The following CDH2 variants were observed in gnomAD, a reference collection of about 807,000 sequenced individuals.
The protein encoded by CDH2 is cadherin-2.
CDH2 carries 17 observed loss-of-function variants against 92.0 expected under a neutral mutation model. The observed-to-expected ratio is 0.18, with a 90% confidence interval of 0.13 to 0.28. The LOEUF is 0.28. Ranked by LOEUF, CDH2 falls within the 10% of genes least tolerant of loss-of-function variation. The pLI, the probability that CDH2 is intolerant of heterozygous loss-of-function variation, is 1.00. For missense variants in CDH2, 862 were observed against 1,133.1 expected (o/e 0.76, Z 3.44); for synonymous variants, 419 against 415.9 (o/e 1.01, Z -0.09).
At chr18:28,160,719 T>A (rs983186897) in intron 1 of CDH2, among the ~76,000 whole-genome samples, 1 of 152,116 alleles carries the variant, frequency 6.6e-6, no homozygotes. Flanking sequence ...AACATGGTGA[T>A]AACACTGGGC....
At chr18:28,110,614 G>C (rs1018157677) in intron 2 of CDH2, among the ~76,000 whole-genome samples, 6 of 152,108 alleles carry the variant, frequency 3.9e-5, no homozygotes, top group Non-Finnish European at 8.8e-5. Flanking sequence ...GTGGGATCAT[G>C]AATATAGATG....
intron 2 of CDH2, among the ~76,000 whole-genome samples, chr18:28,061,174 T>C (rs932658161): frequency 1.3e-5 from 2 of 152,204 alleles, no homozygotes; most frequent in African/African-American, 2.4e-5. Context: ...ATGATTTACA[T>C]TGGGACTTAT....
At position 27,985,533 on chromosome 18, in the gene CDH2, A is replaced by G; in HGVS notation, c.1970T>C (p.Leu657Pro). 6.3e-7 allele frequency: 1 copy of G among 1,599,730 alleles called. No homozygotes were observed. The highest frequency in any genetic ancestry group is 8.6e-7 in the Non-Finnish European group (1 of 1,167,068). The change falls in exon 12 of 16, where the codon CTT (leucine) becomes CCT (proline). Residue 657 changes from leucine (L) to proline (P), a missense_variant. Leu to Pro is a moderately conservative substitution (Grantham distance 98). This residue lies in a region of CDH2 where 564 missense variants were observed against 722.2 expected (regional missense o/e 0.78). Coordinates refer to ENST00000269141, the MANE Select transcript of CDH2 (RefSeq NM_001792.5). ...TIKRNWTITR[L>P]NGDFAQLNLK... The stretch of plus-strand genomic sequence containing the variant: ...AATAATTAACCTGTTCTTACCATTA[A>G]GCCGAGTGATGGTCCAATTTCTCTT...
intron 14 of CDH2, among the ~76,000 whole-genome samples, chr18:27,977,477 C>G (rs987472014): frequency 9.2e-5 from 14 of 152,014 alleles, no homozygotes; most frequent in Non-Finnish European, 2.1e-4. Context: ...CAATCAAAGA[C>G]AGGTAAGATA....
Position 28,147,781 on chromosome 18 carries a change from A to T in CDH2, c.64T>A (p.Ser22Thr). Residue 22 changes from serine to threonine, a missense_variant, in exon 2 of 16, where the codon TCT becomes ACT. Around this residue, in one of 5 missense-constraint regions of CDH2, gnomAD observed 159 missense variants for 177.2 expected, o/e 0.90. Coordinates refer to ENST00000269141, the MANE Select transcript of CDH2 (RefSeq NM_001792.5). ...GCGATTTCACCAGAAGCCTCTACAG[A>T]CGCCTGCAACACAAGAAAAAAAAAA... The part of the protein sequence containing the change: ...LPLLAALLQA[S>T]VEASGEIALC... The T allele has an allele frequency of 1.3e-6, 2 of 1,572,372 alleles. No homozygotes were observed. Among genetic ancestry groups the T allele is most frequent in the Non-Finnish European group, 8.7e-7 (1 of 1,154,606 alleles).
At chr18:27,938,836 C>A (rs1237931386) in intron 6 of CDH2, among the ~76,000 whole-genome samples, 1 of 152,128 alleles carries the variant, frequency 6.6e-6, no homozygotes, top group African/African-American at 2.4e-5. Context: ...GGTATAGAAG[C>A]ATGCAGGTAT....
At chr18:28,159,659 T>TG (rs1283308841) in intron 1 of CDH2, among the ~76,000 whole-genome samples, 1 of 107,584 alleles carries the variant, frequency 9.3e-6, no homozygotes, top group African/African-American at 7.2e-5. Flanking sequence ...AATTTTTTTG[T>TG]TTTTTTTTTT....
Position 28,068,636 on chromosome 18 carries a change from G to A in CDH2, c.173-54727C>T, listed in dbSNP as rs1044646832. Among the ~76,000 whole-genome samples, 8 of 152,274 alleles carry A rather than the reference G, an allele frequency of 5.3e-5. No individual in the cohort carries two copies. The South Asian group carries it at 1.0e-3, about 20-fold the overall frequency. On this transcript the variant is annotated intron_variant, in intron 2 of 15. Coordinates refer to ENST00000269141, the MANE Select transcript of CDH2 (RefSeq NM_001792.5). ...AAGAGCTTCACTGAGCCTTGTTCGAGACTATTGACACTTGATGTTCACATA... is the reference window on the plus strand; with the variant it reads ...AAGAGCTTCACTGAGCCTTGTTCGAAACTATTGACACTTGATGTTCACATA...
At chr18:28,166,957 T>C (rs778708128) in intron 1 of CDH2, among the ~76,000 whole-genome samples, 20 of 151,644 alleles carry the variant, frequency 1.3e-4, no homozygotes, top group Non-Finnish European at 2.8e-4. Context: ...TATACAAATA[T>C]AAAAAAAGGT....
chr18:28,005,467 A>G (rs953763218), intron 6 of CDH2, among the ~76,000 whole-genome samples: 4 of 152,198 alleles, frequency 2.6e-5, no homozygotes, highest in South Asian at 2.1e-4. Context: ...AATTGCTGCT[A>G]CGTCTCATAC....
rs182372553 is a variant in CDH2 at position 27,943,706 on chromosome 18, G to T, written c.1152-10582C>A. 2.3e-4 allele frequency among the ~76,000 whole-genome samples: 35 copies of T among 152,244 alleles called. 1 individual carries two copies. The East Asian group carries it at 6.8e-3, about 29-fold the overall frequency. ...AGTATTAATAAAATCCATCCATGTT[G>T]TTGGATGGGTTTCTGTGTAGGGGTT... On this transcript the variant is annotated intron_variant, in intron 6 of 6. Coordinates refer to the CDH2 transcript ENST00000675173.
Position 28,005,993 on chromosome 18 carries a change from A to G in CDH2, c.703T>C (p.Leu235=). 6.2e-7 allele frequency: 1 copy of G among 1,606,956 alleles called. No homozygotes were observed. The change falls in exon 6 of 16, where the codon TTG becomes CTG. Residue 235 remains leucine, a splice_region_variant and synonymous_variant. Coordinates refer to ENST00000269141, the MANE Select transcript of CDH2 (RefSeq NM_001792.5). ...TTAATATCTACTGCATGTGCCCTCA[A>G]CTGCAAAAGTAATTAGAAAACAACT... The part of the protein sequence containing the change: ...LDREQIARFH[L]RAHAVDINGN...
At position 27,952,099 on chromosome 18, in the gene CDH2, G is replaced by A. The variant is rs1250507530; in HGVS notation, c.*54C>T. 1 of 1,424,324 alleles carries A rather than the reference G, an allele frequency of 7.0e-7. No homozygotes were observed. Among genetic ancestry groups the A allele is most frequent in the Non-Finnish European group, 9.9e-7 (1 of 1,008,752 alleles). The allele number at this position is 1,424,324 out of a possible 1,614,324, so 88.2% of individuals were successfully genotyped here. A position where few individuals can be genotyped will look rare whatever the true frequency, so the allele number is the denominator to read the frequency against. On this transcript the variant is annotated 3_prime_UTR_variant, in exon 16 of 16. Transcript: ENST00000269141. The stretch of plus-strand genomic sequence containing the variant: ...AGCCTAGCTTCTGAATGCTTTTTGG[G>A]AATATCAGTTGAAATTGTTTGTACT...
intron 1 of CDH2, among the ~76,000 whole-genome samples, chr18:28,167,521 T>C (rs1295636337): frequency 1.3e-5 from 2 of 152,202 alleles, no homozygotes; most frequent in Non-Finnish European, 2.9e-5. Context: ...GAGTGGAAGA[T>C]GCCAGACACA....
At chr18:28,100,288 A>G (rs1004189442) in intron 2 of CDH2, among the ~76,000 whole-genome samples, 4 of 152,254 alleles carry the variant, frequency 2.6e-5, no homozygotes. Flanking sequence ...TGAACCAATC[A>G]GTTGAACAAA....
chr18:28,106,583 C>G (rs1377326210), intron 2 of CDH2, among the ~76,000 whole-genome samples: 3 of 151,514 alleles, frequency 2.0e-5, no homozygotes, highest in Admixed American at 6.6e-5. Flanking sequence ...AATATGATGT[C>G]ACATGTAACC....
At chr18:28,140,667 G>T (rs1303654227) in intron 2 of CDH2, among the ~76,000 whole-genome samples, 1 of 151,766 alleles carries the variant, frequency 6.6e-6, no homozygotes. Context: ...ACTGTGAGAA[G>T]TAAGTTTCTA....
intron 2 of CDH2, among the ~76,000 whole-genome samples, chr18:28,062,920 C>T (rs1260697270): frequency 6.6e-6 from 1 of 152,094 alleles, no homozygotes; most frequent in Admixed American, 6.6e-5. Flanking sequence ...TTGCAGAGAG[C>T]CGAGATCACG....
chr18:27,961,612 TAGA>T (rs1420930377), intron 15 of CDH2, among the ~76,000 whole-genome samples: 1 of 152,080 alleles, frequency 6.6e-6, no homozygotes, highest in Non-Finnish European at 1.5e-5. Flanking sequence ...ACGTGAGGGG[TAGA>T]AGAAGGCAGG....
Sources: gnomAD v4.1 joint callset for allele counts (sites outside exome capture counted in the v4.1 genomes callset) on GRCh38, gnomAD v4.1.1 for gene constraint, gnomAD v4.1.1 regional missense constraint, MANE v1.5 for transcripts, NCBI Gene and HGNC (gene_info 2026-07-23, HGNC 2026-07-21) for gene names.